Variants in PPP1R9A observed in about 807,000 individuals in gnomAD.
PPP1R9A encodes protein phosphatase 1 regulatory subunit 9A, also known as neurabin-1.
In PPP1R9A, 59 loss-of-function variants were observed where a neutral mutation model predicts 141.9. The observed-to-expected ratio is 0.42, with a 90% CI of 0.34 to 0.52. The LOEUF is 0.52. PPP1R9A is among the 20% of genes least tolerant of loss of function. The pLI is 0.10. For missense variants in PPP1R9A, 1,444 were observed against 1,611.9 expected, an observed-to-expected ratio of 0.90 and a Z score of 1.78; for synonymous variants, 500 against 569.7, an observed-to-expected ratio of 0.88 and a Z score of 1.74.
intron 2 of PPP1R9A, among the ~76,000 whole-genome samples, chr7:95,077,827 T>G (rs1242923079): frequency 5.3e-5 from 8 of 152,180 alleles, no homozygotes; most frequent in Non-Finnish European, 1.2e-4. Context: ...AGGTTTGTTA[T>G]GCAGATTTGA....
chr7:95,102,965 G>A (rs1041991425), intron 2 of PPP1R9A, among the ~76,000 whole-genome samples: 1 of 152,136 alleles, frequency 6.6e-6, no homozygotes, highest in Non-Finnish European at 1.5e-5. Context: ...ATTTAAAGCA[G>A]TGGGCTAAAG....
intron 2 of PPP1R9A, among the ~76,000 whole-genome samples, chr7:94,927,505 G>A (rs1793631330): frequency 6.6e-6 from 1 of 152,094 alleles, no homozygotes. Flanking sequence ...CATTAGTCAA[G>A]GCTGATAAAT....
intron 9 of PPP1R9A, 21 bp from the exon 10 acceptor site, chr7:95,250,005 C>A: frequency 6.4e-7 from 1 of 1,562,552 alleles, no homozygotes; most frequent in Non-Finnish European, 8.6e-7. Context: ...TTATCTTTGC[C>A]TTGACGTTTG....
At chr7:95,254,507 A>G (rs1799313817) in intron 12 of PPP1R9A, among the ~76,000 whole-genome samples, 1 of 152,196 alleles carries the variant, frequency 6.6e-6, no homozygotes, top group Non-Finnish European at 1.5e-5. Context: ...TAGCACTTCC[A>G]GTAGTTCCCA....
Position 95,125,069 on chromosome 7 carries a change from T to C in PPP1R9A, c.1649+4237T>C, listed in dbSNP as rs115269919. Among the ~76,000 whole-genome samples the C allele has an allele frequency of 8.8e-3, 1,337 of 152,326 alleles. 15 individuals carry two copies. Among genetic ancestry groups the C allele is most frequent in the African/African-American group, 0.031 (1,283 of 41,564 alleles). On this transcript the variant is annotated intron_variant, in intron 4 of 19. Coordinates refer to ENST00000433360, the MANE Select transcript of PPP1R9A (RefSeq NM_001166160.2). ...TTGTCAAGCTTTTCATGTGTGTACT[T>C]TATCCTATGATGCCTTAAACTTACA...
chr7:95,183,929 C>T (rs190966270), intron 5 of PPP1R9A, among the ~76,000 whole-genome samples: 89 of 151,682 alleles, frequency 5.9e-4, no homozygotes, highest in African/African-American at 1.7e-3. Flanking sequence ...AGTGCAGTGG[C>T]CAGATCCAGC....
chr7:95,217,738 A>AT (rs1308710608), intron 7 of PPP1R9A, among the ~76,000 whole-genome samples: 1 of 151,910 alleles, frequency 6.6e-6, no homozygotes, highest in African/African-American at 2.4e-5. Context: ...TTTCTTCTAG[A>AT]TTTTCTAGTT....
At chr7:94,955,367 A>G (rs1250540740) in intron 2 of PPP1R9A, among the ~76,000 whole-genome samples, 1 of 152,164 alleles carries the variant, frequency 6.6e-6, no homozygotes, top group Non-Finnish European at 1.5e-5. Flanking sequence ...GCTTTGTTTT[A>G]TCCATACTCC....
At position 95,292,911 on chromosome 7, in the gene PPP1R9A, T is replaced by A. The variant is rs1265551408; in HGVS notation, c.*2608T>A. The A allele has an allele frequency of 6.6e-6, 1 of 152,212 alleles. No homozygotes were observed. The allele number at this position is 152,212 out of a possible 1,614,324, so 9.4% of individuals were successfully genotyped here. A position where few individuals can be genotyped will look rare whatever the true frequency, so the allele number is the denominator to read the frequency against. ...ATGATACCTAATCAAGGCTCCAATGTCTTGCACAATTCCTACTTTAATGCT... is the reference window on the plus strand; with the variant it reads ...ATGATACCTAATCAAGGCTCCAATGACTTGCACAATTCCTACTTTAATGCT... On this transcript the variant is annotated 3_prime_UTR_variant, in exon 20 of 20. Transcript: ENST00000433360.
At position 95,216,498 on chromosome 7, in the gene PPP1R9A, T is replaced by C. The variant is rs907870937; in HGVS notation, c.1957-9463T>C. On this transcript the variant is annotated intron_variant, in intron 7 of 19. Transcript: ENST00000433360. ...TTTAGAGTAGTTTTTTCCAGTTCTG[T>C]GAAGAAAGTCATTGATAGCTTGATG... is the stretch of plus-strand genomic sequence containing the variant. Among the ~76,000 whole-genome samples, 23 of 152,226 alleles carry C rather than the reference T, an allele frequency of 1.5e-4. 1 individual carries two copies. Among genetic ancestry groups the C allele is most frequent in the Non-Finnish European group, 1.5e-5 (1 of 68,040 alleles).
chr7:95,170,932 C>T (rs1832015478), intron 5 of PPP1R9A, among the ~76,000 whole-genome samples: 2 of 151,424 alleles, frequency 1.3e-5, no homozygotes, highest in African/African-American at 4.8e-5. Flanking sequence ...AATAGCATGT[C>T]GGTTTTTATG....
chr7:95,043,543 A>G (rs1189434457), intron 2 of PPP1R9A, among the ~76,000 whole-genome samples: 1 of 152,114 alleles, frequency 6.6e-6, no homozygotes. Flanking sequence ...ATCTCGACCT[A>G]CTTCTGCAGG....
intron 2 of PPP1R9A, among the ~76,000 whole-genome samples, chr7:94,929,208 T>C (rs761443576): frequency 2.0e-5 from 3 of 152,250 alleles, no homozygotes; most frequent in Non-Finnish European, 4.4e-5. Context: ...CTAGGCAGTA[T>C]GCTAATCACC....
At chr7:95,161,559 G>A (rs111644555) in intron 4 of PPP1R9A, among the ~76,000 whole-genome samples, 236 of 152,176 alleles carry the variant, frequency 1.6e-3, no homozygotes, top group African/African-American at 5.5e-3. Context: ...AGTTTAAATC[G>A]TCTCTGGATT....
Position 95,203,862 on chromosome 7 carries a change from T to G in PPP1R9A, c.1956+132T>G. On this transcript the variant is annotated intron_variant, in intron 7 of 19. Coordinates refer to ENST00000433360, the MANE Select transcript of PPP1R9A (RefSeq NM_001166160.2). ...CTCTAGAGTGATGTGTTTTGTGCAT[T>G]GAATAATAGTTTGAAAATAATCATT... 3 of 566,320 alleles carry G rather than the reference T, an allele frequency of 5.3e-6. No homozygotes were observed. The Admixed American group carries it at 1.2e-4, about 22-fold the overall frequency. The allele number at this position is 566,320 out of a possible 1,614,324, so 35.1% of individuals were successfully genotyped here.
intron 2 of PPP1R9A, among the ~76,000 whole-genome samples, chr7:94,993,464 T>C (rs1247620596): frequency 6.6e-6 from 1 of 152,192 alleles, no homozygotes; most frequent in Non-Finnish European, 1.5e-5. Context: ...TTGTATTGTT[T>C]GGAATCTGTG....
intron 7 of PPP1R9A, among the ~76,000 whole-genome samples, chr7:95,211,789 C>T (rs1354992725): frequency 1.3e-5 from 2 of 152,018 alleles, no homozygotes; most frequent in East Asian, 3.9e-4. Flanking sequence ...GAGTTCAAGA[C>T]CAGCCTGGAC....
At chr7:95,281,213 G>A (rs76903713) in intron 16 of PPP1R9A, among the ~76,000 whole-genome samples, 12,006 of 152,188 alleles carry the variant, frequency 0.079, 562 homozygotes, top group Admixed American at 0.12. Context: ...AGAGGAATGA[G>A]AGATACAGGA....
In PPP1R9A at chr7:95,293,803, C is replaced by A. The variant is rs1806693929; in HGVS notation, c.*3500C>A. 1 of 152,144 alleles carries A rather than the reference C, an allele frequency of 6.6e-6. No homozygotes were observed. The highest frequency in any genetic ancestry group is 2.1e-4 in the South Asian group (1 of 4,820). The allele number at this position is 152,144 out of a possible 1,614,324, so 9.4% of individuals were successfully genotyped here. ...AGAATTAGCATGTGCTTGAAAATTGCATTTTATAAAAGGGAAATGAAAATT... is the reference window on the plus strand; with the variant it reads ...AGAATTAGCATGTGCTTGAAAATTGAATTTTATAAAAGGGAAATGAAAATT... On this transcript the variant is annotated 3_prime_UTR_variant, in exon 20 of 20. Transcript: ENST00000433360.
Sources: allele counts gnomAD v4.1 joint callset (sites outside exome capture counted in the v4.1 genomes callset), GRCh38; gene constraint gnomAD v4.1.1; transcripts MANE v1.5; gene names NCBI Gene and HGNC (gene_info 2026-07-23, HGNC 2026-07-21).